Variants in COL12A1 observed in about 807,000 individuals in gnomAD.
COL12A1 encodes the protein collagen type XII alpha 1 chain.
A neutral mutation model predicts 349.7 loss-of-function variants in COL12A1; 114 were observed. That is an observed-to-expected ratio of 0.33 (90% CI 0.28 to 0.38). The LOEUF is 0.38. COL12A1 is among the 10% of genes least tolerant of loss of function. COL12A1 has a pLI of 1.00. For synonymous variants in COL12A1, 1,369 were observed against 1,329.0 expected (o/e 1.03, Z -0.66); for missense variants, 3,284 against 3,756.9 (o/e 0.87, Z 3.29).
chr6:75,130,012 A>G (rs1582097054), intron 37 of COL12A1, 79 bp downstream of exon 37: 19 of 1,516,736 alleles, frequency 1.3e-5, no homozygotes, highest in Non-Finnish European at 1.7e-5. Context: ...TACTCACAGC[A>G]TACCTCTAAA....
intron 65 of COL12A1, among the ~76,000 whole-genome samples, chr6:75,087,008 A>G (rs1212263025): frequency 6.6e-6 from 1 of 152,130 alleles, no homozygotes; most frequent in Non-Finnish European, 1.5e-5. Context: ...CAGTCCTCAC[A>G]TCCCACAAAA....
Position 75,119,041 on chromosome 6 carries a change from G to A in COL12A1, c.7354+2C>T. On this transcript the variant is annotated splice_donor_variant, in intron 46 of 65. Transcript: ENST00000322507. LOFTEE classifies it low-confidence loss of function (GC_TO_GT_DONOR). ...TGCAATCAAATTCATGTATGTGCTTGCCTGACTGCTGGATGACCAAAGCCG... is the reference window on the plus strand; with the variant it reads ...TGCAATCAAATTCATGTATGTGCTTACCTGACTGCTGGATGACCAAAGCCG... 6.2e-7 allele frequency: 1 copy of A among 1,613,866 alleles called. No homozygotes were observed. The highest frequency in any genetic ancestry group is 1.1e-5 in the South Asian group (1 of 91,080).
intron 52 of COL12A1, among the ~76,000 whole-genome samples, chr6:75,108,383 T>C (rs946278140): frequency 6.6e-6 from 1 of 152,178 alleles, no homozygotes; most frequent in African/African-American, 2.4e-5. Flanking sequence ...CAATGGTGCC[T>C]GGCTTTGATT....
intron 60 of COL12A1, among the ~76,000 whole-genome samples, chr6:75,093,528 T>C (rs555192412): frequency 3.3e-5 from 5 of 152,276 alleles, no homozygotes; most frequent in East Asian, 3.9e-4. Flanking sequence ...TTGCTACTTT[T>C]GAAGGACGAG....
At chr6:75,120,045 G>C (rs539633600) in intron 44 of COL12A1, among the ~76,000 whole-genome samples, 1 of 152,184 alleles carries the variant, frequency 6.6e-6, no homozygotes, top group East Asian at 1.9e-4. Flanking sequence ...TTTTTTATCA[G>C]TAAAATGAGG....
intron 56 of COL12A1, 42 bp from the exon 57 acceptor site, chr6:75,102,094 G>C (rs766770848): frequency 1.9e-6 from 3 of 1,587,768 alleles, no homozygotes; most frequent in Non-Finnish European, 2.6e-6. Context: ...GCGTTTCACA[G>C]AGATTAAGCA....
At chr6:75,102,349 T>G (rs1441820189) in intron 56 of COL12A1, among the ~76,000 whole-genome samples, 1 of 152,136 alleles carries the variant, frequency 6.6e-6, no homozygotes, top group African/African-American at 2.4e-5. Context: ...AGGGGATATC[T>G]ACTTTACTTA....
At chr6:75,128,049 C>T (rs949052844) in intron 38 of COL12A1, among the ~76,000 whole-genome samples, 34 of 152,080 alleles carry the variant, frequency 2.2e-4, no homozygotes, top group East Asian at 1.9e-4. Context: ...CTATCTTAAG[C>T]GAATAAAAAT....
In COL12A1 at chr6:75,189,399, A is replaced by G; in HGVS notation, c.659-18T>C. 6.2e-7 allele frequency: 1 copy of G among 1,610,156 alleles called. No homozygotes were observed. Among genetic ancestry groups the G allele is most frequent in the Non-Finnish European group, 8.5e-7 (1 of 1,178,650 alleles). On this transcript the variant is annotated intron_variant, in intron 6 of 65. Coordinates refer to ENST00000322507, the MANE Select transcript of COL12A1 (RefSeq NM_004370.6). Reference sequence around the variant, plus strand: ...GGCATCCCCTAAAGGGAAAAGAAACATGTTCATTTACTCTGTACTACACAA... The same window carrying G: ...GGCATCCCCTAAAGGGAAAAGAAACGTGTTCATTTACTCTGTACTACACAA...
chr6:75,086,517 G>GT lies in COL12A1; in HGVS notation c.*29dup. The GT allele has an allele frequency of 1.2e-6, 2 of 1,602,848 alleles. No homozygotes were observed. Among genetic ancestry groups the GT allele is most frequent in the Non-Finnish European group, 1.7e-6 (2 of 1,172,858 alleles). On this transcript the variant is annotated 3_prime_UTR_variant, in exon 66 of 66. Coordinates refer to ENST00000322507, the MANE Select transcript of COL12A1 (RefSeq NM_004370.6). The stretch of plus-strand genomic sequence containing the variant: ...AACAGGATTTTCATGTATTCAAACT[G>GT]TAAGCAGCACTGGCGACTTAGAAAA...
chr6:75,143,807 T>C (rs1051337369), intron 25 of COL12A1, among the ~76,000 whole-genome samples: 2 of 152,160 alleles, frequency 1.3e-5, no homozygotes, highest in African/African-American at 4.8e-5. Flanking sequence ...AAAAAATAGT[T>C]ACAGAGTGAA....
chr6:75,164,811 G>T (rs184562231), intron 14 of COL12A1, among the ~76,000 whole-genome samples: 6 of 151,662 alleles, frequency 4.0e-5, no homozygotes, highest in Admixed American at 1.3e-4. Context: ...CCAGCCAGAT[G>T]ATTATGATAG....
chr6:75,173,817 T>A (rs2149449675), intron 13 of COL12A1, among the ~76,000 whole-genome samples: 1 of 152,348 alleles, frequency 6.6e-6, no homozygotes, highest in African/African-American at 2.4e-5. Flanking sequence ...CCATCAACTT[T>A]GATGGATATT....
At position 75,085,443 on chromosome 6, in the gene COL12A1, C is replaced by A. The variant is rs1767444081; in HGVS notation, c.*1104G>T. 2.3e-6 allele frequency: 1 copy of A among 432,538 alleles called. No homozygotes were observed. The highest frequency in any genetic ancestry group is 2.0e-5 in the African/African-American group (1 of 49,342). The allele number at this position is 432,538 out of a possible 1,614,324, so 26.8% of individuals were successfully genotyped here. On this transcript the variant is annotated 3_prime_UTR_variant, in exon 66 of 66. Coordinates refer to ENST00000322507, the MANE Select transcript of COL12A1 (RefSeq NM_004370.6). The stretch of plus-strand genomic sequence containing the variant: ...ACACACAGCAAAAGCTAAATCATCA[C>A]CCGCGGTGATGGCACTCCAGTCTTA...
At chr6:75,141,790 G>T (rs1375586209) in intron 27 of COL12A1, among the ~76,000 whole-genome samples, 1 of 152,142 alleles carries the variant, frequency 6.6e-6, no homozygotes, top group Non-Finnish European at 1.5e-5. Context: ...ACATCAAGTA[G>T]TTGTAGTTGG....
At chr6:75,193,201 C>A (rs938350730) in intron 3 of COL12A1, among the ~76,000 whole-genome samples, 1 of 152,102 alleles carries the variant, frequency 6.6e-6, no homozygotes, top group Non-Finnish European at 1.5e-5. Flanking sequence ...GGTTGGGTAG[C>A]CCCAGTGCCA....
intron 51 of COL12A1, 26 bp from the exon 52 acceptor site, chr6:75,109,193 TA>T (rs1562130253): frequency 4.0e-6 from 6 of 1,513,486 alleles, no homozygotes; most frequent in Middle Eastern, 4.6e-4. Flanking sequence ...GTTTCCATTA[TA>T]AAATTTCTAC....
rs768307990 is a variant in COL12A1, at chr6:75,124,420, AG to A, written c.6608-50del. 6 of 1,384,516 alleles carry A rather than the reference AG, an allele frequency of 4.3e-6. No individual in the cohort carries two copies. In the African/African-American group the frequency reaches 8.7e-5, roughly 20 times the overall value. 85.8% of individuals were successfully genotyped at this position (1,384,516 alleles called of 1,614,324 possible). On this transcript the variant is annotated intron_variant, in intron 40 of 65. Transcript: ENST00000322507. ...ATTTACTTTGTAAATTGAGGCAAAA[AG>A]TGTACTTTTAATCATAACACAATTT...
intron 52 of COL12A1, among the ~76,000 whole-genome samples, chr6:75,106,881 TTTTTCTTTTTTC>T (rs2149349971): frequency 3.1e-5 from 1 of 32,402 alleles, no homozygotes; most frequent in Non-Finnish European, 7.6e-5. Context: ...TTTCTTTTTT[TTTTTCTTTTTTC>T]TTTTTCTTTT....
Sources: gnomAD v4.1 joint callset for allele counts (sites outside exome capture counted in the v4.1 genomes callset) on GRCh38, gnomAD v4.1.1 for gene constraint, MANE v1.5 for transcripts, NCBI Gene and HGNC (gene_info 2026-07-23, HGNC 2026-07-21) for gene names.